APBA2: variants seen among roughly 807,000 people sequenced by gnomAD.
The protein encoded by APBA2 is amyloid beta precursor protein binding family A member 2, also known as amyloid-beta A4 precursor protein-binding family A member 2.
In APBA2, 30 loss-of-function variants were observed where a neutral mutation model predicts 75.0. The observed-to-expected ratio is 0.40, with a 90% CI of 0.30 to 0.54. APBA2 has a LOEUF of 0.54. APBA2 is among the 20% of genes least tolerant of loss of function. The pLI, the probability that APBA2 is intolerant of heterozygous loss-of-function variation, is 0.49. For missense variants in APBA2, 801 were observed against 1,016.1 expected, an observed-to-expected ratio of 0.79 and a Z score of 2.88; for synonymous variants, 444 against 409.6, an observed-to-expected ratio of 1.08 and a Z score of -1.01.
At chr15:28,940,180 G>A (rs1338256818) in intron 2 of APBA2, among the ~76,000 whole-genome samples, 1 of 151,950 alleles carries the variant, frequency 6.6e-6, no homozygotes, top group African/African-American at 2.4e-5. Context: ...TCAGTGGCGA[G>A]GAGAAAGGAG....
intron 4 of APBA2, among the ~76,000 whole-genome samples, chr15:29,060,455 C>A (rs1000968909): frequency 6.6e-6 from 1 of 152,222 alleles, no homozygotes; most frequent in African/African-American, 2.4e-5. Flanking sequence ...CAGTTCTGTT[C>A]AGTCCGCGTT....
chr15:28,950,146 A>G (rs2035775755), intron 2 of APBA2, among the ~76,000 whole-genome samples: 1 of 152,022 alleles, frequency 6.6e-6, no homozygotes, highest in Non-Finnish European at 1.5e-5. Context: ...ATATCCTTCG[A>G]TTTGGGTTTA....
chr15:29,113,085 G>C (rs1384006688), intron 13 of APBA2, among the ~76,000 whole-genome samples: 2 of 152,152 alleles, frequency 1.3e-5, no homozygotes, highest in African/African-American at 4.8e-5. Context: ...AGCACATTCT[G>C]TTTCTCCGCT....
rs541656205 is a variant in APBA2 at position 29,089,099 on chromosome 15, A to G, written c.1070-3976A>G. The stretch of plus-strand genomic sequence containing the variant: ...ATAGCCTCCCTTTTGAGCATTCACC[A>G]TGGCCCATCCTGATGCATTTGTTCT... On this transcript the variant is annotated intron_variant, in intron 6 of 14. Transcript: ENST00000683413. Among the ~76,000 whole-genome samples, 10 of 152,176 alleles carry G rather than the reference A, an allele frequency of 6.6e-5. No individual in the cohort carries two copies. The East Asian group carries it at 7.7e-4, about 12-fold the overall frequency.
At chr15:28,945,420 T>C (rs1294389617) in intron 2 of APBA2, among the ~76,000 whole-genome samples, 1 of 152,142 alleles carries the variant, frequency 6.6e-6, no homozygotes. Context: ...TTTGGGGGTT[T>C]GTTATGAAAA....
At chr15:29,088,193 C>T (rs965065600) in intron 6 of APBA2, among the ~76,000 whole-genome samples, 43 of 151,512 alleles carry the variant, frequency 2.8e-4, no homozygotes, top group Admixed American at 1.9e-3. Context: ...TGTAGATGGG[C>T]AGGCCTCCCT....
chr15:28,925,915 C>T (rs2034235147), intron 2 of APBA2, among the ~76,000 whole-genome samples: 1 of 152,146 alleles, frequency 6.6e-6, no homozygotes, highest in Admixed American at 6.5e-5. Context: ...ATTTTTCTCT[C>T]ATTATGTAAT....
intron 2 of APBA2, among the ~76,000 whole-genome samples, chr15:28,943,836 A>G (rs1478788014): frequency 1.3e-5 from 2 of 152,124 alleles, no homozygotes; most frequent in African/African-American, 4.8e-5. Flanking sequence ...CCAAAGGCCC[A>G]TGGGCCAACC....
chr15:28,982,608 T>C (rs1216952775), intron 2 of APBA2, among the ~76,000 whole-genome samples: 25 of 152,258 alleles, frequency 1.6e-4, no homozygotes, highest in Admixed American at 1.6e-3. Context: ...GGAGGATTTA[T>C]ATTCGATTGT....
chr15:29,109,442 G>A (rs969257037), intron 13 of APBA2, among the ~76,000 whole-genome samples: 3 of 152,172 alleles, frequency 2.0e-5, no homozygotes, highest in African/African-American at 4.8e-5. Context: ...CAGTGGGGGC[G>A]GTGGGGGTGA....
chr15:28,962,475 A>G (rs1395076967), intron 2 of APBA2, among the ~76,000 whole-genome samples: 1 of 152,170 alleles, frequency 6.6e-6, no homozygotes, highest in East Asian at 1.9e-4. Context: ...AGGCTGAGGC[A>G]GGGGAATCGC....
intron 13 of APBA2, among the ~76,000 whole-genome samples, chr15:29,111,715 C>T (rs192313695): frequency 9.3e-4 from 141 of 152,186 alleles, no homozygotes; most frequent in Non-Finnish European, 1.1e-3. Flanking sequence ...CTCTGTGCAC[C>T]TAGACACAGA....
At chr15:28,910,906 C>T (rs1265428375) in intron 1 of APBA2, among the ~76,000 whole-genome samples, 1 of 152,072 alleles carries the variant, frequency 6.6e-6, no homozygotes, top group African/African-American at 2.4e-5. Context: ...TTTCAGGGCC[C>T]ATCGTCTTGA....
intron 2 of APBA2, among the ~76,000 whole-genome samples, chr15:28,963,394 T>C (rs935303467): frequency 5.3e-5 from 8 of 152,322 alleles, no homozygotes; most frequent in African/African-American, 1.9e-4. Flanking sequence ...AGCACATTGC[T>C]GAGGACCTTG....
chr15:28,900,101 G>A (rs1298592832), intron 1 of APBA2, among the ~76,000 whole-genome samples: 2 of 152,140 alleles, frequency 1.3e-5, no homozygotes, highest in South Asian at 2.1e-4. Flanking sequence ...GGACTGGGCC[G>A]TGGTCACGGG....
intron 3 of APBA2, among the ~76,000 whole-genome samples, chr15:29,002,222 C>T (rs2038886175): frequency 6.6e-6 from 1 of 152,234 alleles, no homozygotes; most frequent in Non-Finnish European, 1.5e-5. Context: ...TAATTTAACT[C>T]TCATACCACA....
intron 2 of APBA2, among the ~76,000 whole-genome samples, chr15:28,946,150 A>T (rs2035539317): frequency 6.6e-6 from 1 of 152,228 alleles, no homozygotes; most frequent in Admixed American, 6.5e-5. Context: ...TGTCATTCAG[A>T]GACTGTGGTA....
chr15:29,092,853 G>A lies in APBA2; in HGVS notation c.1070-222G>A, dbSNP rs1276984953. Among the ~76,000 whole-genome samples, 4 of 152,350 alleles carry A rather than the reference G, an allele frequency of 2.6e-5. No individual in the cohort carries two copies. The East Asian group carries it at 5.8e-4, about 22-fold the overall frequency. On this transcript the variant is annotated intron_variant, in intron 6 of 14. Transcript: ENST00000683413. ...GTCCTCCTGACACTGTTTGTGCAGA[G>A]TTTTCTGGCCCAAGTGTTGATTTCG...
intron 14 of APBA2, among the ~76,000 whole-genome samples, chr15:29,114,625 A>C (rs2044950451): frequency 7.1e-6 from 1 of 140,592 alleles, no homozygotes; most frequent in Non-Finnish European, 1.6e-5. Flanking sequence ...GTGCATGTGG[A>C]TGTGTGAGAG....
Sources: allele counts gnomAD v4.1 joint callset (sites outside exome capture counted in the v4.1 genomes callset), GRCh38; gene constraint gnomAD v4.1.1; transcripts MANE v1.5; gene names NCBI Gene and HGNC (gene_info 2026-07-23, HGNC 2026-07-21).